AGBL1: variants seen among roughly 807,000 people sequenced by gnomAD.
AGBL1 encodes the protein AGBL carboxypeptidase 1, also known as cytosolic carboxypeptidase 4.
In AGBL1, 130 loss-of-function variants were observed where a neutral mutation model predicts 118.9. That is an observed-to-expected ratio of 1.09 (90% CI 0.95 to 1.26). The LOEUF (loss-of-function observed/expected upper bound fraction) is 1.26, where lower values mean the gene tolerates loss of function less well. AGBL1 is among the 50% of genes most tolerant of loss of function. AGBL1 has a pLI of 0.00. For synonymous variants in AGBL1, 555 were observed against 478.9 expected, an observed-to-expected ratio of 1.16 and a Z score of -2.08; for missense variants, 1,584 against 1,298.1, an observed-to-expected ratio of 1.22 and a Z score of -3.38.
At chr15:86,871,003 G>A (rs558598296) in intron 22 of AGBL1, among the ~76,000 whole-genome samples, 6 of 152,306 alleles carry the variant, frequency 3.9e-5, no homozygotes, top group Non-Finnish European at 5.9e-5. Context: ...ACTGCTTAGG[G>A]ATAGTAACTC....
intron 17 of AGBL1, among the ~76,000 whole-genome samples, chr15:86,330,307 A>G (rs1161762216): frequency 2.0e-5 from 3 of 152,230 alleles, no homozygotes; most frequent in African/African-American, 4.8e-5. Context: ...GTGAAACTGC[A>G]TGGCCCAATA....
chr15:86,559,658 A>G (rs758689665), intron 21 of AGBL1, among the ~76,000 whole-genome samples: 1 of 152,162 alleles, frequency 6.6e-6, no homozygotes, highest in Non-Finnish European at 1.5e-5. Context: ...TTGTACAACA[A>G]AGCACTACAA....
intron 22 of AGBL1, among the ~76,000 whole-genome samples, chr15:86,704,181 A>G (rs1192176484): frequency 6.6e-6 from 1 of 152,200 alleles, no homozygotes; most frequent in Non-Finnish European, 1.5e-5. Flanking sequence ...CAAACCATAA[A>G]AACCCTAGAA....
At chr15:86,339,568 T>G (rs1298813430) in intron 17 of AGBL1, among the ~76,000 whole-genome samples, 1 of 152,192 alleles carries the variant, frequency 6.6e-6, no homozygotes, top group Non-Finnish European at 1.5e-5. Context: ...TTAGGTAATT[T>G]TTATTGCTCT....
At chr15:86,862,288 A>G (rs146700719) in intron 22 of AGBL1, among the ~76,000 whole-genome samples, 157 of 152,298 alleles carry the variant, frequency 1.0e-3, no homozygotes, top group African/African-American at 3.6e-3. Flanking sequence ...AATCTACAAC[A>G]CAACAAAACT....
At chr15:86,561,734 T>G (rs995932863) in intron 21 of AGBL1, among the ~76,000 whole-genome samples, 3 of 152,192 alleles carry the variant, frequency 2.0e-5, no homozygotes, top group Non-Finnish European at 4.4e-5. Context: ...AATCTATAAG[T>G]TACCTTGGGC....
chr15:86,206,061 G>T (rs2077987239), intron 5 of AGBL1, among the ~76,000 whole-genome samples: 1 of 152,160 alleles, frequency 6.6e-6, no homozygotes, highest in African/African-American at 2.4e-5. Context: ...TGACATATGA[G>T]TGAGAACATG....
chr15:86,735,073 TATA>T (rs1196828764), intron 22 of AGBL1, among the ~76,000 whole-genome samples: 1 of 140,976 alleles, frequency 7.1e-6, no homozygotes, highest in African/African-American at 2.5e-5. Context: ...GGCATATAGT[TATA>T]ATAATAATTA....
chr15:86,279,078 A>G (rs2079304685), intron 15 of AGBL1, among the ~76,000 whole-genome samples: 1 of 152,230 alleles, frequency 6.6e-6, no homozygotes, highest in Admixed American at 6.5e-5. Flanking sequence ...TAACTTTTCT[A>G]AGCTTTTGTT....
At chr15:86,425,793 TG>T (rs1210282071) in intron 18 of AGBL1, among the ~76,000 whole-genome samples, 1 of 152,174 alleles carries the variant, frequency 6.6e-6, no homozygotes, top group Non-Finnish European at 1.5e-5. Context: ...AGGTGGGCTC[TG>T]GGTGTCTGTA....
chr15:86,430,045 A>T (rs1596104767), intron 18 of AGBL1, among the ~76,000 whole-genome samples: 1 of 152,206 alleles, frequency 6.6e-6, no homozygotes, highest in South Asian at 2.1e-4. Context: ...TGAATTTCGA[A>T]GACATTGCGA....
intron 1 of AGBL1, among the ~76,000 whole-genome samples, chr15:86,130,652 G>A (rs768922578): frequency 2.0e-5 from 3 of 152,136 alleles, no homozygotes; most frequent in Non-Finnish European, 4.4e-5. Context: ...TAAATGCTTG[G>A]TATAGATTTT....
chr15:86,197,896 T>TAA (rs113902642), intron 5 of AGBL1, among the ~76,000 whole-genome samples: 1 of 143,572 alleles, frequency 7.0e-6, no homozygotes, highest in African/African-American at 2.5e-5. Context: ...AGCTATTCTT[T>TAA]AAAAAAAAAA....
chr15:86,126,062 G>T (rs1898411332), intron 1 of AGBL1, among the ~76,000 whole-genome samples: 2 of 152,052 alleles, frequency 1.3e-5, no homozygotes, highest in South Asian at 4.2e-4. Flanking sequence ...TCGGTGTCCT[G>T]TTGTAATCTT....
At chr15:86,550,850 T>C (rs1035546177) in intron 20 of AGBL1, among the ~76,000 whole-genome samples, 1 of 151,938 alleles carries the variant, frequency 6.6e-6, no homozygotes, top group Non-Finnish European at 1.5e-5. Flanking sequence ...TAAATATCAA[T>C]ATATCTTAAG....
intron 23 of AGBL1, among the ~76,000 whole-genome samples, chr15:86,948,685 A>G (rs1337918354): frequency 6.6e-6 from 1 of 152,260 alleles, no homozygotes; most frequent in Non-Finnish European, 1.5e-5. Flanking sequence ...TTTCTGTTTG[A>G]GTGCCAACAA....
chr15:86,659,457 C>T (rs1270120759), intron 21 of AGBL1, among the ~76,000 whole-genome samples: 1 of 152,100 alleles, frequency 6.6e-6, no homozygotes, highest in Non-Finnish European at 1.5e-5. Context: ...TCTAATACAA[C>T]CTCATCTCTG....
chr15:86,892,149 T>C (rs960192280), intron 22 of AGBL1, among the ~76,000 whole-genome samples: 3 of 152,120 alleles, frequency 2.0e-5, no homozygotes, highest in African/African-American at 4.8e-5. Flanking sequence ...CGTCTCTCCT[T>C]TCCCTCTCTT....
intron 22 of AGBL1, among the ~76,000 whole-genome samples, chr15:86,871,720 C>A (rs976834808): frequency 1.3e-5 from 2 of 152,116 alleles, no homozygotes; most frequent in Non-Finnish European, 2.9e-5. Flanking sequence ...TCACCTCTAC[C>A]TTCACGCTCT....
Sources: allele counts gnomAD v4.1 joint callset (sites outside exome capture counted in the v4.1 genomes callset), GRCh38; gene constraint gnomAD v4.1.1; transcripts MANE v1.5; gene names NCBI Gene and HGNC (gene_info 2026-07-23, HGNC 2026-07-21).